Variants in FER1L6 observed in about 807,000 individuals in gnomAD.
FER1L6 encodes fer-1 like family member 6.
In FER1L6, 177 loss-of-function variants were observed where a neutral mutation model predicts 219.2. The ratio of observed to expected loss-of-function variants is 0.81; its 90% CI spans 0.71 to 0.91. The LOEUF is 0.91. Ranked by LOEUF, FER1L6 falls within the 40% of genes least tolerant of loss-of-function variation. FER1L6 has a pLI of 0.00. For missense variants in FER1L6, 2,153 were observed against 2,259.9 expected (o/e 0.95, Z 0.96); for synonymous variants, 768 against 824.3 (o/e 0.93, Z 1.17).
intron 1 of FER1L6, among the ~76,000 whole-genome samples, chr8:123,946,549 C>G (rs537349656): frequency 6.6e-6 from 1 of 152,276 alleles, no homozygotes; most frequent in South Asian, 2.1e-4. Flanking sequence ...CCACGGTGCC[C>G]GGGCTGCACA....
chr8:124,099,231 C>T (rs371398198), intron 37 of FER1L6, among the ~76,000 whole-genome samples: 1 of 152,306 alleles, frequency 6.6e-6, no homozygotes, highest in South Asian at 2.1e-4. Context: ...TAACCAATGG[C>T]TTCAGTTGTC....
At chr8:123,924,605 A>AC (rs1813494051) in intron 1 of FER1L6, among the ~76,000 whole-genome samples, 1 of 152,008 alleles carries the variant, frequency 6.6e-6, no homozygotes, top group African/African-American at 2.4e-5. Flanking sequence ...ATCAGGGCAC[A>AC]CTCTGTCTGT....
chr8:124,013,583 C>G, intron 15 of FER1L6, 52 bp downstream of exon 15: 1 of 1,263,734 alleles, frequency 7.9e-7, no homozygotes, highest in East Asian at 2.5e-5. Flanking sequence ...GTGGTCTCAG[C>G]TTTTAATTAC....
Position 124,082,283 on chromosome 8 carries a change from C to G in FER1L6, c.4221-5C>G, listed in dbSNP as rs375345900. On this transcript the variant is annotated splice_polypyrimidine_tract_variant and splice_region_variant and intron_variant, in intron 32 of 40. Coordinates refer to ENST00000522917, the MANE Select transcript of FER1L6 (RefSeq NM_001039112.2). Reference sequence around the variant, plus strand: ...TGACTCTTGAAGTCTCTGCTTGGACCGCAGGTCATTTGAGATCCAAGCCAC... The same window carrying G: ...TGACTCTTGAAGTCTCTGCTTGGACGGCAGGTCATTTGAGATCCAAGCCAC... 2 of 1,609,904 alleles carry G rather than the reference C, an allele frequency of 1.2e-6. No individual in the cohort carries two copies. Among genetic ancestry groups the G allele is most frequent in the African/African-American group, 2.7e-5 (2 of 74,720 alleles).
At chr8:124,036,174 G>A (rs1586620489) in intron 19 of FER1L6, 1 of 152,134 alleles carries the variant, frequency 6.6e-6, no homozygotes, top group Non-Finnish European at 1.5e-5. Context: ...GTTTTGGGTT[G>A]AGCCAATGTT....
chr8:123,940,228 C>T (rs970919027), intron 1 of FER1L6, among the ~76,000 whole-genome samples: 2 of 152,170 alleles, frequency 1.3e-5, no homozygotes, highest in Admixed American at 1.3e-4. Flanking sequence ...GGAGGCAGAG[C>T]ATGGGGGAGG....
intron 10 of FER1L6, among the ~76,000 whole-genome samples, chr8:123,978,498 A>T (rs1194661329): frequency 6.6e-6 from 1 of 152,150 alleles, no homozygotes; most frequent in African/African-American, 2.4e-5. Flanking sequence ...CAAAACCCAA[A>T]TTAGTAGATA....
intron 22 of FER1L6, among the ~76,000 whole-genome samples, chr8:124,059,931 G>A (rs1376050535): frequency 1.3e-5 from 2 of 152,162 alleles, no homozygotes; most frequent in African/African-American, 2.4e-5. Context: ...TCTATACTGT[G>A]AGCTCTGTGT....
In FER1L6 at chr8:123,926,159, T is replaced by TC. The variant is rs1366107235; in HGVS notation, c.-7-29829dup. ...AAATTTGGTGACGTGGTGGCAGCAG[T>TC]CCCCTAGTGCATGCTTTAGGAGTGC... On this transcript the variant is annotated intron_variant, in intron 1 of 40. Transcript: ENST00000522917. 6.6e-5 allele frequency among the ~76,000 whole-genome samples: 10 copies of TC among 152,300 alleles called. No homozygotes were observed. The East Asian group carries it at 1.9e-3, about 29-fold the overall frequency.
chr8:124,073,270 T>A (rs1231063330), intron 31 of FER1L6, among the ~76,000 whole-genome samples: 4 of 152,200 alleles, frequency 2.6e-5, no homozygotes, highest in Non-Finnish European at 5.9e-5. Flanking sequence ...AAAGGCCAGA[T>A]AAACAGATCA....
intron 39 of FER1L6, among the ~76,000 whole-genome samples, chr8:124,115,890 T>C (rs1187633661): frequency 2.0e-5 from 3 of 152,230 alleles, no homozygotes; most frequent in Admixed American, 1.3e-4. Context: ...CTATTTGCTA[T>C]ATGTGTTGTG....
chr8:124,096,983 T>C (rs1822325825), intron 35 of FER1L6, among the ~76,000 whole-genome samples: 1 of 152,160 alleles, frequency 6.6e-6, no homozygotes, highest in East Asian at 1.9e-4. Flanking sequence ...GTCAAGTGTA[T>C]AGATAGCATT....
At chr8:123,984,201 T>C (rs755636786) in intron 11 of FER1L6, 3 of 152,158 alleles carry the variant, frequency 2.0e-5, no homozygotes, top group Non-Finnish European at 2.9e-5. Context: ...CTGCCCCTTC[T>C]CCTCCCTGAA....
intron 35 of FER1L6, among the ~76,000 whole-genome samples, chr8:124,096,283 T>C (rs1822285576): frequency 6.6e-6 from 1 of 152,298 alleles, no homozygotes; most frequent in South Asian, 2.1e-4. Flanking sequence ...AAATAAATCA[T>C]CCTGCTTTTC....
chr8:124,051,663 A>T (rs1370166239), intron 22 of FER1L6, among the ~76,000 whole-genome samples: 1 of 152,226 alleles, frequency 6.6e-6, no homozygotes, highest in Non-Finnish European at 1.5e-5. Context: ...CTTGCTCAAT[A>T]TGGCGAGTGA....
chr8:123,856,325 T>TAC (rs1816648481), intron 1 of FER1L6, among the ~76,000 whole-genome samples: 1 of 123,216 alleles, frequency 8.1e-6, no homozygotes, highest in Admixed American at 8.2e-5. Context: ...TGTATATATA[T>TAC]ATATATATAT....
intron 2 of FER1L6, among the ~76,000 whole-genome samples, chr8:123,962,350 C>T (rs879450639): frequency 6.6e-5 from 10 of 152,030 alleles, no homozygotes; most frequent in Admixed American, 5.9e-4. Flanking sequence ...GAGGCTGGTG[C>T]TTGTGCAGCT....
chr8:124,017,035 G>A (rs1426492976), intron 15 of FER1L6, among the ~76,000 whole-genome samples: 2 of 151,942 alleles, frequency 1.3e-5, no homozygotes, highest in Non-Finnish European at 2.9e-5. Flanking sequence ...CATTTTTATA[G>A]GTAAAATGTT....
chr8:123,959,120 A>G lies in FER1L6; in HGVS notation c.76+3046A>G, dbSNP rs181824092. Among the ~76,000 whole-genome samples the G allele has an allele frequency of 3.9e-3, 593 of 152,304 alleles. 1 individual carries two copies. Among genetic ancestry groups the G allele is most frequent in the South Asian group, 0.012 (60 of 4,826 alleles). ...TTTTATAAGGTCACCCTGGATGCCC[A>G]TGGTGAGTAGACTGAAGAGAACAAA... On this transcript the variant is annotated intron_variant, in intron 2 of 40. Coordinates refer to ENST00000522917, the MANE Select transcript of FER1L6 (RefSeq NM_001039112.2).
Sources: gnomAD v4.1 joint callset for allele counts (sites outside exome capture counted in the v4.1 genomes callset) on GRCh38, gnomAD v4.1.1 for gene constraint, MANE v1.5 for transcripts, NCBI Gene and HGNC (gene_info 2026-07-23, HGNC 2026-07-21) for gene names.